Variants in CCDC3 observed in about 807,000 individuals in gnomAD.
CCDC3 encodes the protein coiled-coil domain-containing protein 3.
In CCDC3, 24 loss-of-function variants were observed where a neutral mutation model predicts 21.4. The ratio of observed to expected loss-of-function variants is 1.12; its 90% CI spans 0.81 to 1.58. CCDC3 has a LOEUF of 1.58. Ranked by LOEUF, CCDC3 falls within the 40% of genes most tolerant of loss-of-function variation. The pLI, the probability that CCDC3 is intolerant of heterozygous loss-of-function variation, is 0.00. For synonymous variants in CCDC3, 186 were observed against 166.0 expected (o/e 1.12, Z -0.93); for missense variants, 425 against 360.9 (o/e 1.18, Z -1.44).
intron 2 of CCDC3, among the ~76,000 whole-genome samples, chr10:12,910,545 AT>A (rs1353178869): frequency 6.7e-6 from 1 of 148,504 alleles, no homozygotes; most frequent in Non-Finnish European, 1.5e-5. Flanking sequence ...CTGGCTTGGT[AT>A]CTGGCACAAG....
At chr10:12,980,089 C>G (rs35817274) in intron 2 of CCDC3, among the ~76,000 whole-genome samples, 1 of 152,168 alleles carries the variant, frequency 6.6e-6, no homozygotes, top group Admixed American at 6.6e-5. Context: ...GGCAATCTCC[C>G]GGGTCCCTTT....
At chr10:12,899,905 C>T (rs1052730844) in intron 2 of CCDC3, among the ~76,000 whole-genome samples, 4 of 152,188 alleles carry the variant, frequency 2.6e-5, no homozygotes, top group Admixed American at 2.6e-4. Context: ...ACCCAAATCT[C>T]ATCTTGAATT....
chr10:13,019,215 G>A (rs759891216), intron 5 of CCDC3, among the ~76,000 whole-genome samples: 1 of 152,104 alleles, frequency 6.6e-6, no homozygotes, highest in Non-Finnish European at 1.5e-5. Flanking sequence ...GCCTGGGTGA[G>A]AGAGTGAGAC....
intron 5 of CCDC3, among the ~76,000 whole-genome samples, chr10:13,025,596 G>A (rs1589043664): frequency 6.6e-6 from 1 of 152,134 alleles, no homozygotes; most frequent in African/African-American, 2.4e-5. Flanking sequence ...TTTATTTTAA[G>A]AAACTACCAT....
intron 4 of CCDC3, among the ~76,000 whole-genome samples, chr10:13,056,551 T>G (rs1006220235): frequency 1.3e-5 from 2 of 151,948 alleles, no homozygotes; most frequent in African/African-American, 4.8e-5. Context: ...GGAGGGCGAG[T>G]GCCTCAAGAA....
At chr10:12,975,443 C>A (rs962009880) in intron 2 of CCDC3, among the ~76,000 whole-genome samples, 1 of 152,156 alleles carries the variant, frequency 6.6e-6, no homozygotes, top group African/African-American at 2.4e-5. Flanking sequence ...AGATCAGTTT[C>A]GGCAGCCTCT....
At chr10:13,003,392 A>G (rs930485079), upstream of CCDC3, among the ~76,000 whole-genome samples, 5 of 152,226 alleles carry the variant, frequency 3.3e-5, no homozygotes, top group African/African-American at 1.2e-4. Context: ...CTACAAGTTG[A>G]CCAAGCTAGG....
intron 1 of CCDC3, among the ~76,000 whole-genome samples, chr10:12,999,363 G>A (rs925690883): frequency 2.6e-5 from 4 of 152,166 alleles, no homozygotes; most frequent in Admixed American, 2.6e-4. Flanking sequence ...GCATGTTAGT[G>A]AACACATTTA....
chr10:12,990,505 G>T (rs1266992466), intron 2 of CCDC3, among the ~76,000 whole-genome samples: 1 of 152,094 alleles, frequency 6.6e-6, no homozygotes, highest in Non-Finnish European at 1.5e-5. Flanking sequence ...TTCAGATTTG[G>T]GTATTTGATA....
At chr10:13,079,217 T>C (rs186100819) in intron 3 of CCDC3, among the ~76,000 whole-genome samples, 125 of 152,234 alleles carry the variant, frequency 8.2e-4, no homozygotes, top group Middle Eastern at 3.4e-3. Flanking sequence ...GTGGCACATA[T>C]GGGGATACAT....
In CCDC3 at chr10:12,992,275, A is replaced by G. The variant is rs146494461; in HGVS notation, c.549+6063T>C. Among the ~76,000 whole-genome samples, 17 of 152,162 alleles carry G rather than the reference A, an allele frequency of 1.1e-4. No individual in the cohort carries two copies. The East Asian group carries it at 3.3e-3, about 30-fold the overall frequency. ...CGTGGTGCTGGGCGCCTGTAGTCCC[A>G]GCTACTCAGGGGGCTGAGGCATGAG... On this transcript the variant is annotated intron_variant, in intron 2 of 2. Transcript: ENST00000378825.
chr10:12,908,210 C>T (rs961725443), intron 2 of CCDC3, among the ~76,000 whole-genome samples: 3 of 152,192 alleles, frequency 2.0e-5, no homozygotes, highest in African/African-American at 7.2e-5. Context: ...TAGATGTTTA[C>T]GTGGGGACCA....
At chr10:12,925,193 G>A (rs967251790) in intron 2 of CCDC3, among the ~76,000 whole-genome samples, 1 of 152,180 alleles carries the variant, frequency 6.6e-6, no homozygotes, top group Admixed American at 6.5e-5. Context: ...GCATCCCTCA[G>A]GAAGTAGGCA....
At chr10:12,931,179 C>T (rs1223845046) in intron 2 of CCDC3, among the ~76,000 whole-genome samples, 1 of 139,632 alleles carries the variant, frequency 7.2e-6, no homozygotes, top group Non-Finnish European at 1.5e-5. Context: ...CCACTGCACT[C>T]CAGCCTGGGC....
At chr10:12,983,172 A>ATG (rs1835533339) in intron 2 of CCDC3, among the ~76,000 whole-genome samples, 1 of 142,162 alleles carries the variant, frequency 7.0e-6, no homozygotes, top group Non-Finnish European at 1.5e-5. Context: ...ATATATATAT[A>ATG]TAAAATCTAT....
At chr10:13,090,191 C>T (rs10906300) in intron 3 of CCDC3, among the ~76,000 whole-genome samples, 31,179 of 149,296 alleles carry the variant, frequency 0.21, 3,573 homozygotes, top group Middle Eastern at 0.31. Context: ...TAGGTTCAAG[C>T]GAGTCCCCTG....
rs754193392 is a variant in CCDC3 at position 12,998,466 on chromosome 10, C to A, written c.421G>T (p.Asp141Tyr). ...TCTTGAGTGTCTGGGAAGATGGCATCTTGGAAATTGACTCCGTGAGGCAAG... is the reference window on the plus strand; with the variant it reads ...TCTTGAGTGTCTGGGAAGATGGCATATTGGAAATTGACTCCGTGAGGCAAG... ...NLLPHGVNFQ[D>Y]AIFPDTQENR... The change falls in exon 2 of 3, where the codon GAT becomes TAT. Residue 141 changes from aspartate (D) to tyrosine (Y), a missense_variant. Coordinates refer to ENST00000378825, the MANE Select transcript of CCDC3 (RefSeq NM_031455.4). 2 of 1,614,134 alleles carry A rather than the reference C, an allele frequency of 1.2e-6. No homozygotes were observed. Among genetic ancestry groups the A allele is most frequent in the Non-Finnish European group, 1.7e-6 (2 of 1,180,016 alleles).
intron 5 of CCDC3, among the ~76,000 whole-genome samples, chr10:13,046,806 A>G (rs1431052010): frequency 6.6e-6 from 1 of 152,152 alleles, no homozygotes; most frequent in East Asian, 1.9e-4. Context: ...AGATACAGTG[A>G]TCTATCATCG....
chr10:12,913,500 T>C (rs946115525), intron 2 of CCDC3, among the ~76,000 whole-genome samples: 2 of 152,238 alleles, frequency 1.3e-5, no homozygotes, highest in Non-Finnish European at 2.9e-5. Context: ...TGGGTTCTTT[T>C]TGTGTGTAAG....
Sources: gnomAD v4.1 joint callset for allele counts (sites outside exome capture counted in the v4.1 genomes callset) on GRCh38, gnomAD v4.1.1 for gene constraint, MANE v1.5 for transcripts, NCBI Gene and HGNC (gene_info 2026-07-23, HGNC 2026-07-21) for gene names.